SLC7A10: variants seen among roughly 807,000 people sequenced by gnomAD.
SLC7A10 encodes the protein solute carrier family 7 member 10, also known as asc-type amino acid transporter 1.
In SLC7A10, 30 loss-of-function variants were observed where a neutral mutation model predicts 52.7. The observed-to-expected ratio is 0.57, with a 90% CI of 0.43 to 0.77. The LOEUF is 0.77. Among genes scored for constraint, SLC7A10 ranks in the 30% least tolerant of loss-of-function variants. The pLI is 0.00. For synonymous variants in SLC7A10, 318 were observed against 314.9 expected, an observed-to-expected ratio of 1.01 and a Z score of -0.10; for missense variants, 581 against 698.5, an observed-to-expected ratio of 0.83 and a Z score of 1.90.
At chr19:33,213,135 G>A (rs1198756437) in intron 2 of SLC7A10, 133 bp from the exon 3 acceptor site, 41 of 1,162,130 alleles carry the variant, frequency 3.5e-5, no homozygotes, top group South Asian at 9.5e-5. Context: ...GGCCAGCACC[G>A]GTCCAGGGAG....
Position 33,210,401 on chromosome 19 carries a change from C to A in SLC7A10, c.1263+66G>T, listed in dbSNP as rs924934564. 1.3e-6 allele frequency: 2 copies of A among 1,530,766 alleles called. No individual in the cohort carries two copies. The highest frequency in any genetic ancestry group is 2.4e-5 in the East Asian group (1 of 40,912). The allele number at this position is 1,530,766 out of a possible 1,614,324, so 94.8% of individuals were successfully genotyped here. A position where few individuals can be genotyped will look rare whatever the true frequency, so the allele number is the denominator to read the frequency against. ...CCTCCCATCCCACCTGCCCCTGGTGCCCACTGTGGATGCAGGGGTGGCTCT... is the reference window on the plus strand; with the variant it reads ...CCTCCCATCCCACCTGCCCCTGGTGACCACTGTGGATGCAGGGGTGGCTCT... On this transcript the variant is annotated intron_variant, in intron 9 of 10. Coordinates refer to ENST00000253188, the MANE Select transcript of SLC7A10 (RefSeq NM_019849.3). This position sits in a 1 kb window ranked among gnomAD's most constrained non-coding sequence, Gnocchi z 5.6.
Position 33,209,020 on chromosome 19 carries a change from C to T in SLC7A10, c.1443G>A (p.Glu481=), listed in dbSNP as rs1974474983. The change falls in exon 11 of 11, where the codon GAG becomes GAA. Residue 481 remains glutamate, a splice_region_variant and synonymous_variant. Transcript: ENST00000253188. ...SKPKCVHRLT[E]SMTHWGQELC... The stretch of plus-strand genomic sequence containing the variant: ...GCTCCTGGCCCCAGTGTGTCATGGA[C>T]TCTGAGGACAGACAGATGGACCTTG... 2 of 1,613,722 alleles carry T rather than the reference C, an allele frequency of 1.2e-6. No individual in the cohort carries two copies. Among genetic ancestry groups the T allele is most frequent in the Non-Finnish European group, 1.7e-6 (2 of 1,180,016 alleles).
In SLC7A10 at chr19:33,208,809, CAAAA is replaced by C. The variant is rs1429286418; in HGVS notation, c.*78_*81del. On this transcript the variant is annotated 3_prime_UTR_variant, in exon 11 of 11. Coordinates refer to ENST00000253188, the MANE Select transcript of SLC7A10 (RefSeq NM_019849.3). The surrounding 1 kb of genome is among the most constrained non-coding windows in gnomAD (Gnocchi z 4.7). ...TTTTTCTTTTTTTTCCAGAAAAAAA[CAAAA>C]CAAAACTTTTTTGCCAAAACACCTC... 1 of 1,565,566 alleles carries C rather than the reference CAAAA, an allele frequency of 6.4e-7. No individual in the cohort carries two copies. Among genetic ancestry groups the C allele is most frequent in the Non-Finnish European group, 8.7e-7 (1 of 1,148,130 alleles).
chr19:33,208,777 C>G lies in SLC7A10; in HGVS notation c.*114G>C. ...CTTCCTTAAACAGGCTTCTGAGAGT[C>G]GTATCTTTTTTCTTTTTTTTCCAGA... is the stretch of plus-strand genomic sequence containing the variant. On this transcript the variant is annotated 3_prime_UTR_variant, in exon 11 of 11. Coordinates refer to ENST00000253188, the MANE Select transcript of SLC7A10 (RefSeq NM_019849.3). This position sits in a 1 kb window ranked among gnomAD's most constrained non-coding sequence, Gnocchi z 4.7. The G allele has an allele frequency of 7.1e-7, 1 of 1,415,164 alleles. No homozygotes were observed. Among genetic ancestry groups the G allele is most frequent in the Non-Finnish European group, 9.8e-7 (1 of 1,019,506 alleles). The allele number at this position is 1,415,164 out of a possible 1,614,324, so 87.7% of individuals were successfully genotyped here.
chr19:33,217,352 A>G (rs1974710264), intron 1 of SLC7A10, among the ~76,000 whole-genome samples: 4 of 152,196 alleles, frequency 2.6e-5, no homozygotes, highest in Admixed American at 2.0e-4. Flanking sequence ...CAGGGGGGCC[A>G]ACTATGGTCT....
chr19:33,222,479 A>AAAAT (rs1182039970), intron 1 of SLC7A10, among the ~76,000 whole-genome samples: 21 of 142,970 alleles, frequency 1.5e-4, no homozygotes, highest in African/African-American at 6.0e-4. Context: ...AAAATAAAAT[A>AAAAT]AAATAAAATA....
chr19:33,211,716 C>G, intron 5 of SLC7A10, 179 bp from the exon 6 acceptor site: 1 of 1,201,614 alleles, frequency 8.3e-7, no homozygotes, highest in Non-Finnish European at 1.2e-6. Flanking sequence ...CCTGCCCCAC[C>G]CCCACCTGGA....
Position 33,212,629 on chromosome 19 carries a change from T to C in SLC7A10, c.519A>G (p.Thr173=), listed in dbSNP as rs758640632. The part of the protein sequence containing the change: ...VLSMACLMLL[T]WVNSSSVRWA... ...AGCGCACACTGGAGCTGTTCACCCATGTCAGGAGCACTGCGGAGGGAAGGC... is the reference window on the plus strand; with the variant it reads ...AGCGCACACTGGAGCTGTTCACCCACGTCAGGAGCACTGCGGAGGGAAGGC... Residue 173 remains threonine (T), a synonymous_variant, in exon 4 of 11, where the codon ACA becomes ACG. Coordinates refer to ENST00000253188, the MANE Select transcript of SLC7A10 (RefSeq NM_019849.3). 1.2e-5 allele frequency: 19 copies of C among 1,613,622 alleles called. No homozygotes were observed. The highest frequency in any genetic ancestry group is 1.1e-4 in the South Asian group (10 of 91,086).
chr19:33,217,981 A>C (rs1168310935), intron 1 of SLC7A10: 1 of 152,138 alleles, frequency 6.6e-6, no homozygotes, highest in Non-Finnish European at 1.5e-5. Context: ...GGTGGGCTGT[A>C]AGGTTTCTAA....
intron 1 of SLC7A10, among the ~76,000 whole-genome samples, chr19:33,223,894 G>A (rs1974865482): frequency 6.6e-6 from 1 of 151,892 alleles, no homozygotes. Flanking sequence ...GAAAAGGAGG[G>A]TGATAGTGGA....
chr19:33,217,553 C>T (rs1599954429), intron 1 of SLC7A10, among the ~76,000 whole-genome samples: 2 of 150,342 alleles, frequency 1.3e-5, no homozygotes, highest in South Asian at 2.1e-4. Flanking sequence ...TATGAACAAA[C>T]AGCCCTGGTA....
rs563512808 is a variant in SLC7A10 at position 33,220,457 on chromosome 19, C to T, written c.152-4484G>A. 6 of 152,358 alleles carry T rather than the reference C, an allele frequency of 3.9e-5. No homozygotes were observed. The East Asian group carries it at 5.8e-4, about 15-fold the overall frequency. The allele number at this position is 152,358 out of a possible 1,614,324, so 9.4% of individuals were successfully genotyped here. A position where few individuals can be genotyped will look rare whatever the true frequency, so the allele number is the denominator to read the frequency against. ...GCAAGTGGATTGCTTCCTCCTCACT[C>T]GGCCTCCTGGCCTCCCCTCGGCCTT... On this transcript the variant is annotated intron_variant, in intron 1 of 10. Coordinates refer to ENST00000253188, the MANE Select transcript of SLC7A10 (RefSeq NM_019849.3).
chr19:33,220,531 C>T (rs538473965), intron 1 of SLC7A10, among the ~76,000 whole-genome samples: 1 of 152,324 alleles, frequency 6.6e-6, no homozygotes, highest in East Asian at 1.9e-4. Context: ...CTTCCAGACA[C>T]TGGGTGCCCA....
At chr19:33,216,498 A>G (rs1186706002) in intron 1 of SLC7A10, among the ~76,000 whole-genome samples, 6 of 152,206 alleles carry the variant, frequency 3.9e-5, no homozygotes, top group Non-Finnish European at 7.4e-5. Flanking sequence ...CCCACCGGCC[A>G]AAGTCCAGAC....
intron 1 of SLC7A10, among the ~76,000 whole-genome samples, chr19:33,216,264 C>T (rs1974680847): frequency 6.6e-6 from 1 of 152,220 alleles, no homozygotes; most frequent in Non-Finnish European, 1.5e-5. Context: ...TTTCTCAGCC[C>T]TCCATTGCCC....
At chr19:33,211,633 G>A (rs1324537626) in intron 5 of SLC7A10, 96 bp from the exon 6 acceptor site, 1 of 1,601,524 alleles carries the variant, frequency 6.2e-7, no homozygotes, top group Non-Finnish European at 8.5e-7. Flanking sequence ...TCCATCTCTT[G>A]TGTCTGCTGG....
chr19:33,213,955 T>G (rs78845022), intron 2 of SLC7A10, among the ~76,000 whole-genome samples: 5,688 of 152,142 alleles, frequency 0.037, 138 homozygotes, highest in Middle Eastern at 0.11. Context: ...GACTGCCTCA[T>G]CGGGGACATC....
At chr19:33,214,118 C>T (rs1414540276) in intron 2 of SLC7A10, among the ~76,000 whole-genome samples, 1 of 152,188 alleles carries the variant, frequency 6.6e-6, no homozygotes, top group African/African-American at 2.4e-5. Context: ...TGGCCCTCTT[C>T]TCCCTCCCGA....
chr19:33,211,219 A>G lies in SLC7A10; in HGVS notation c.1016+6T>C, dbSNP rs775554762. 8.7e-6 allele frequency: 14 copies of G among 1,610,022 alleles called. No homozygotes were observed. In the East Asian group the frequency reaches 3.1e-4, roughly 36 times the overall value. ...CCCCATGCCCACGTCTCCCCAGTGC[A>G]GTCACCTGGAGTAGGTGAACAGGTA... On this transcript the variant is annotated splice_donor_region_variant and intron_variant, in intron 7 of 10. Coordinates refer to ENST00000253188, the MANE Select transcript of SLC7A10 (RefSeq NM_019849.3).
Sources: allele counts gnomAD v4.1 joint callset (sites outside exome capture counted in the v4.1 genomes callset), GRCh38; gene constraint gnomAD v4.1.1; non-coding constraint Gnocchi (gnomAD v3.1); transcripts MANE v1.5; gene names NCBI Gene and HGNC (gene_info 2026-07-23, HGNC 2026-07-21).